REDIC1: variants seen among roughly 807,000 people sequenced by gnomAD.
REDIC1 encodes the protein HEI10 Interacting Protein 1.
the REDIC1 span, among the ~76,000 whole-genome samples, chr12:39,696,127 G>T: frequency 6.6e-6 from 1 of 152,066 alleles, no homozygotes; most frequent in East Asian, 1.9e-4. Context: ...TCCCAAGATG[G>T]ATGAGAACAA....
chr12:39,722,214 G>C, the REDIC1 span, among the ~76,000 whole-genome samples: 1 of 152,072 alleles, frequency 6.6e-6, no homozygotes, highest in African/African-American at 2.4e-5. Flanking sequence ...GTGATTTGGG[G>C]CATTGCAATT....
At chr12:39,748,178 C>T in the REDIC1 span, among the ~76,000 whole-genome samples, 2 of 152,086 alleles carry the variant, frequency 1.3e-5, no homozygotes, top group African/African-American at 4.8e-5. Flanking sequence ...TCAGGAGACC[C>T]ATCTCACATT....
the REDIC1 span, among the ~76,000 whole-genome samples, chr12:39,879,242 A>C: frequency 3.9e-5 from 6 of 152,246 alleles, no homozygotes; most frequent in Admixed American, 1.3e-4. Context: ...CTACTAGGGA[A>C]GTACCAAGGG....
the REDIC1 span, among the ~76,000 whole-genome samples, chr12:39,710,256 G>T: frequency 1.3e-5 from 2 of 151,830 alleles, no homozygotes; most frequent in East Asian, 1.9e-4. Flanking sequence ...GAGAGATAAT[G>T]TGTGTATATG....
At chr12:39,733,747 C>G in the REDIC1 span, among the ~76,000 whole-genome samples, 30 of 152,340 alleles carry the variant, frequency 2.0e-4, no homozygotes, top group African/African-American at 6.7e-4. Context: ...GAGGACGCCT[C>G]TGCCACCACC....
chr12:39,897,953 G>GT, the REDIC1 span, among the ~76,000 whole-genome samples: 1 of 151,998 alleles, frequency 6.6e-6, no homozygotes, highest in Non-Finnish European at 1.5e-5. Context: ...AATAATACAT[G>GT]TAAGTTTATT....
At chr12:39,677,895 A>G in the REDIC1 span, among the ~76,000 whole-genome samples, 2 of 152,132 alleles carry the variant, frequency 1.3e-5, no homozygotes, top group African/African-American at 4.8e-5. Flanking sequence ...TGAACTGAAC[A>G]GTTGTAGTGA....
At chr12:39,776,400 A>G in the REDIC1 span, among the ~76,000 whole-genome samples, 1 of 152,250 alleles carries the variant, frequency 6.6e-6, no homozygotes, top group Admixed American at 6.5e-5. Context: ...TATGTGTGGC[A>G]TAAAGGCCAC....
chr12:39,692,200 A>G, the REDIC1 span: 12 of 1,210,500 alleles, frequency 9.9e-6, no homozygotes, highest in East Asian at 2.4e-4. Context: ...GATTTTTTAG[A>G]TGTTTGCCAA....
chr12:39,698,794 A>G, the REDIC1 span, among the ~76,000 whole-genome samples: 10 of 152,252 alleles, frequency 6.6e-5, no homozygotes, highest in African/African-American at 1.4e-4. Context: ...GAAACAAATG[A>G]TAATTGAAAC....
the REDIC1 span, chr12:39,830,232 A>C: frequency 1.9e-6 from 3 of 1,611,552 alleles, no homozygotes; most frequent in South Asian, 3.3e-5. Flanking sequence ...ACAGTAACTG[A>C]AAAATGAAAA....
At chr12:39,763,073 G>T in the REDIC1 span, among the ~76,000 whole-genome samples, 2 of 151,962 alleles carry the variant, frequency 1.3e-5, no homozygotes, top group African/African-American at 2.4e-5. Flanking sequence ...AAATATTTAA[G>T]TGTTCTCTAG....
At chr12:39,726,245 G>A in the REDIC1 span, among the ~76,000 whole-genome samples, 1 of 151,832 alleles carries the variant, frequency 6.6e-6, no homozygotes, top group Non-Finnish European at 1.5e-5. Flanking sequence ...ATGTGCCATG[G>A]TGGTTTGCTG....
the REDIC1 span, among the ~76,000 whole-genome samples, chr12:39,659,540 C>T: frequency 7.2e-5 from 11 of 152,060 alleles, no homozygotes; most frequent in East Asian, 1.2e-3. Context: ...TTGTATCTTC[C>T]GTGTGGTCTT....
the REDIC1 span, among the ~76,000 whole-genome samples, chr12:39,858,774 T>C: frequency 3.3e-5 from 5 of 152,212 alleles, no homozygotes; most frequent in African/African-American, 1.2e-4. Flanking sequence ...ACTTGGCTAA[T>C]TTTTTGTATT....
At chr12:39,713,988 C>A in the REDIC1 span, among the ~76,000 whole-genome samples, 1 of 120,574 alleles carries the variant, frequency 8.3e-6, no homozygotes, top group African/African-American at 2.9e-5. Context: ...CGTATATATA[C>A]ATGTATGTAC....
the REDIC1 span, among the ~76,000 whole-genome samples, chr12:39,658,482 C>T: frequency 1.3e-5 from 2 of 152,188 alleles, no homozygotes; most frequent in Non-Finnish European, 2.9e-5. Flanking sequence ...AAGACTTTCC[C>T]ATTATCTTTA....
the REDIC1 span, among the ~76,000 whole-genome samples, chr12:39,837,771 C>G: frequency 6.6e-6 from 1 of 152,008 alleles, no homozygotes; most frequent in Non-Finnish European, 1.5e-5. Flanking sequence ...CAGAGAAATG[C>G]AAATCAAAAC....
the REDIC1 span, among the ~76,000 whole-genome samples, chr12:39,904,366 A>C: frequency 6.6e-6 from 1 of 152,170 alleles, no homozygotes; most frequent in Non-Finnish European, 1.5e-5. Context: ...GAAAAGTTTT[A>C]TATCAGTGTA....
Sources: gnomAD v4.1 joint callset for allele counts (sites outside exome capture counted in the v4.1 genomes callset) on GRCh38, gnomAD v4.1.1 for gene constraint, MANE v1.5 for transcripts, NCBI Gene and HGNC (gene_info 2026-07-23, HGNC 2026-07-21) for gene names.